Variants in CPEB3 observed in about 807,000 individuals in gnomAD.
CPEB3 encodes the protein cytoplasmic polyadenylation element binding protein 3.
A neutral mutation model predicts 67.2 loss-of-function variants in CPEB3; 20 were observed. The observed-to-expected ratio is 0.30, with a 90% CI of 0.21 to 0.43. CPEB3 has a LOEUF of 0.43. Ranked by LOEUF, CPEB3 falls within the 20% of genes least tolerant of loss-of-function variation. CPEB3 has a pLI of 1.00. For synonymous variants in CPEB3, 376 were observed against 393.1 expected (o/e 0.96, Z 0.51); for missense variants, 746 against 968.6 (o/e 0.77, Z 3.05).
At chr10:92,252,148 C>A (rs1247125066) in intron 1 of CPEB3, among the ~76,000 whole-genome samples, 1 of 150,416 alleles carries the variant, frequency 6.6e-6, no homozygotes, top group African/African-American at 2.4e-5. Flanking sequence ...AAGATTTCAC[C>A]GAAAGATATT....
At chr10:92,240,407 G>C in intron 1 of CPEB3, 46 bp from the exon 2 acceptor site, 1 of 1,411,520 alleles carries the variant, frequency 7.1e-7, no homozygotes, top group African/African-American at 1.5e-5. Flanking sequence ...ATGTGATCAT[G>C]AATGTCCCTC....
chr10:92,216,233 C>A lies in CPEB3; in HGVS notation c.1005+23113G>T. On this transcript the variant is annotated intron_variant, in intron 2 of 9. Transcript: ENST00000265997. ...AGCACGGATCACAAGGTCAAGAGAT[C>A]AAGATCATACTGGCCAACATGGTGA... is the stretch of plus-strand genomic sequence containing the variant. The A allele has an allele frequency of 3.6e-6, 4 of 1,098,144 alleles. No homozygotes were observed. The South Asian group carries it at 6.2e-5, about 17-fold the overall frequency. The allele number at this position is 1,098,144 out of a possible 1,614,324, so 68.0% of individuals were successfully genotyped here. A position where few individuals can be genotyped will look rare whatever the true frequency, so the allele number is the denominator to read the frequency against.
intron 1 of CPEB3, among the ~76,000 whole-genome samples, chr10:92,248,483 A>G (rs1378719491): frequency 6.6e-6 from 1 of 152,180 alleles, no homozygotes; most frequent in African/African-American, 2.4e-5. Context: ...CATCCCTAGC[A>G]CAATGCTTAT....
chr10:92,156,060 A>C (rs781688932), intron 4 of CPEB3, among the ~76,000 whole-genome samples: 148 of 152,298 alleles, frequency 9.7e-4, no homozygotes, highest in Non-Finnish European at 1.8e-3. Flanking sequence ...CGTAGGGCCC[A>C]GTGTTAGGCA....
chr10:92,066,620 G>A (rs1305460823), intron 9 of CPEB3, among the ~76,000 whole-genome samples: 1 of 152,008 alleles, frequency 6.6e-6, no homozygotes, highest in African/African-American at 2.4e-5. Context: ...TAATCTTCTT[G>A]GCATGTGTCA....
Position 92,112,734 on chromosome 10 carries a change from T to A in CPEB3, c.1454-1540A>T, listed in dbSNP as rs78186072. Among the ~76,000 whole-genome samples, 141 of 152,344 alleles carry A rather than the reference T, an allele frequency of 9.3e-4. 1 individual carries two copies. The East Asian group carries it at 0.025, about 28-fold the overall frequency. On this transcript the variant is annotated intron_variant, in intron 6 of 9. Transcript: ENST00000265997. ...AACTTCTCTACAACCCTGCTAGCTT[T>A]GCTAAATCTCTCAGCTGTCATTCCT...
In CPEB3 at chr10:92,164,710, C is replaced by T. The variant is rs926409288; in HGVS notation, c.1222+16253G>A. On this transcript the variant is annotated intron_variant, in intron 4 of 9. Transcript: ENST00000265997. ...CCAGTCGGTAAACATTTGAAAAACC[C>T]TTACTCTTAACCACTAAGTTTGAAG... Among the ~76,000 whole-genome samples the T allele has an allele frequency of 2.0e-5, 3 of 152,150 alleles. No homozygotes were observed. In the East Asian group the frequency reaches 5.8e-4, roughly 29 times the overall value.
chr10:92,179,105 TA>T (rs890608355), intron 4 of CPEB3, among the ~76,000 whole-genome samples: 4 of 152,060 alleles, frequency 2.6e-5, no homozygotes, highest in Non-Finnish European at 4.4e-5. Flanking sequence ...TTTGGTACTT[TA>T]AAAAAATTAC....
At chr10:92,233,169 T>C (rs1459055381) in intron 2 of CPEB3, among the ~76,000 whole-genome samples, 1 of 152,044 alleles carries the variant, frequency 6.6e-6, no homozygotes, top group South Asian at 2.1e-4. Context: ...GGTCATACTA[T>C]CCTTATTCAA....
intron 3 of CPEB3, among the ~76,000 whole-genome samples, chr10:92,188,744 A>T (rs1848819442): frequency 6.6e-6 from 1 of 152,208 alleles, no homozygotes; most frequent in Non-Finnish European, 1.5e-5. Context: ...TAAATAAAAA[A>T]TAAATTAGTC....
At chr10:92,271,203 C>T (rs1186616149) in intron 1 of CPEB3, among the ~76,000 whole-genome samples, 5 of 152,104 alleles carry the variant, frequency 3.3e-5, no homozygotes, top group Non-Finnish European at 7.3e-5. Context: ...CAAACAAACA[C>T]CTTTTCATTT....
intron 2 of CPEB3, among the ~76,000 whole-genome samples, chr10:92,198,371 C>T (rs535708761): frequency 6.6e-6 from 1 of 152,310 alleles, no homozygotes; most frequent in Admixed American, 6.5e-5. Context: ...AGCAACTTGA[C>T]CCTCACTTGC....
At chr10:92,154,505 A>G (rs894489543) in intron 4 of CPEB3, among the ~76,000 whole-genome samples, 1 of 152,138 alleles carries the variant, frequency 6.6e-6, no homozygotes, top group Admixed American at 6.5e-5. Context: ...GCTGATGTTC[A>G]AGTTATCCCC....
chr10:92,230,453 C>A lies in CPEB3; in HGVS notation c.1005+8893G>T, dbSNP rs530705652. Among the ~76,000 whole-genome samples, 115 of 152,174 alleles carry A rather than the reference C, an allele frequency of 7.6e-4. 1 individual carries two copies. Among genetic ancestry groups the A allele is most frequent in the Non-Finnish European group, 1.3e-3 (86 of 68,024 alleles). ...TTCTGTTTCTCTCCTCTGAGGCCTG[C>A]CAACAAGCATTTATATAATAATATT... On this transcript the variant is annotated intron_variant, in intron 2 of 9. Transcript: ENST00000265997.
At chr10:92,192,382 G>T in intron 3 of CPEB3, 95 bp downstream of exon 3, 1 of 1,244,876 alleles carries the variant, frequency 8.0e-7, no homozygotes, top group Non-Finnish European at 1.1e-6. Context: ...ACAAAAACAA[G>T]CAAACAAAAA....
Position 92,227,232 on chromosome 10 carries a change from AGT to A in CPEB3, c.1005+12112_1005+12113del, listed in dbSNP as rs1851020305. Among the ~76,000 whole-genome samples the A allele has an allele frequency of 2.0e-5, 3 of 152,314 alleles. No homozygotes were observed. In the East Asian group the frequency reaches 5.8e-4, roughly 29 times the overall value. On this transcript the variant is annotated intron_variant, in intron 2 of 9. Transcript: ENST00000265997. ...ACTACCAGTTAGGTAATATTCTCTG[AGT>A]CTCAAATAGGATAATAATCCCTAAT... is the stretch of plus-strand genomic sequence containing the variant.
chr10:92,234,105 CAA>C (rs1266057741), intron 2 of CPEB3, among the ~76,000 whole-genome samples: 7 of 81,698 alleles, frequency 8.6e-5, no homozygotes, highest in Admixed American at 1.4e-4. Context: ...GACTTTGTCT[CAA>C]AAAAAAAAAA....
At chr10:92,121,300 G>A (rs1046731271) in intron 6 of CPEB3, among the ~76,000 whole-genome samples, 2 of 150,182 alleles carry the variant, frequency 1.3e-5, no homozygotes, top group Admixed American at 6.6e-5. Context: ...GAGCCACCAC[G>A]CCCGGTCTAC....
At chr10:92,057,388 G>A (rs1260536479) in intron 9 of CPEB3, among the ~76,000 whole-genome samples, 1 of 152,188 alleles carries the variant, frequency 6.6e-6, no homozygotes, top group East Asian at 1.9e-4. Flanking sequence ...GGGAAGAGTG[G>A]GAAAGACTGC....
Sources: allele counts gnomAD v4.1 joint callset (sites outside exome capture counted in the v4.1 genomes callset), GRCh38; gene constraint gnomAD v4.1.1; transcripts MANE v1.5; gene names NCBI Gene and HGNC (gene_info 2026-07-23, HGNC 2026-07-21).